SCTR: variants seen among roughly 807,000 people sequenced by gnomAD.
SCTR encodes the protein secretin receptor.
Under a neutral mutation model 60.8 loss-of-function variants are expected in SCTR, and 56 were observed. The observed-to-expected ratio is 0.92, with a 90% CI of 0.74 to 1.15. The LOEUF (loss-of-function observed/expected upper bound fraction) is 1.15. Ranked by LOEUF, SCTR falls within the 50% of genes most tolerant of loss-of-function variation. The pLI is 0.00. For synonymous variants in SCTR, 202 were observed against 217.0 expected (o/e 0.93, Z 0.61); for missense variants, 562 against 550.4 (o/e 1.02, Z -0.21).
intron 1 of SCTR, among the ~76,000 whole-genome samples, chr2:119,513,182 G>A (rs1362167737): frequency 6.6e-6 from 1 of 152,202 alleles, no homozygotes. Context: ...CCTGCTACAG[G>A]CATTGAGGTT....
chr2:119,522,934 G>C (rs916280440), intron 1 of SCTR, among the ~76,000 whole-genome samples: 1 of 152,182 alleles, frequency 6.6e-6, no homozygotes, highest in African/African-American at 2.4e-5. Flanking sequence ...GGTGGCAAGG[G>C]AGCTCCAAGC....
At chr2:119,506,405 G>A (rs192925750) in intron 1 of SCTR, among the ~76,000 whole-genome samples, 82 of 152,196 alleles carry the variant, frequency 5.4e-4, no homozygotes, top group African/African-American at 1.9e-3. Context: ...AAGCTAATGC[G>A]AAGAAATTAC....
chr2:119,494,523 T>C lies in SCTR; in HGVS notation c.98A>G (p.Asp33Gly). The part of the protein sequence containing the change: ...HSTGALPRLC[D>G]VLQVLWEEQD... Reference sequence around the variant, plus strand: ...CTCTTCCCACAGCACTTGTAGCACGTCACATAGTCGGGGAAGGGCTCCAGT... The same window carrying C: ...CTCTTCCCACAGCACTTGTAGCACGCCACATAGTCGGGGAAGGGCTCCAGT... The change falls in exon 2 of 13, where the codon GAC becomes GGC. Residue 33 changes from aspartate (D) to glycine (G), a missense_variant. Coordinates refer to ENST00000019103, the MANE Select transcript of SCTR (RefSeq NM_002980.3). 3.7e-6 allele frequency: 6 copies of C among 1,614,032 alleles called. No homozygotes were observed. Among genetic ancestry groups the C allele is most frequent in the Non-Finnish European group, 5.1e-6 (6 of 1,179,952 alleles).
At chr2:119,452,692 C>T (rs889412155) in intron 8 of SCTR, among the ~76,000 whole-genome samples, 1 of 152,182 alleles carries the variant, frequency 6.6e-6, no homozygotes, top group South Asian at 2.1e-4. Context: ...TTGGATGTCT[C>T]ATTTGACCTC....
At chr2:119,447,642 G>T (rs532271456) in intron 10 of SCTR, among the ~76,000 whole-genome samples, 107 of 152,324 alleles carry the variant, frequency 7.0e-4, no homozygotes, top group Non-Finnish European at 1.3e-3. Context: ...CGCAATCGCG[G>T]CTCACTGCAA....
At chr2:119,519,335 C>G (rs1310646326) in intron 1 of SCTR, among the ~76,000 whole-genome samples, 5 of 152,092 alleles carry the variant, frequency 3.3e-5, no homozygotes, top group Admixed American at 1.3e-4. Flanking sequence ...TTTTGTGACC[C>G]CATGCTCATT....
chr2:119,504,669 T>G (rs955438690), intron 1 of SCTR, among the ~76,000 whole-genome samples: 2 of 151,326 alleles, frequency 1.3e-5, no homozygotes, highest in African/African-American at 4.9e-5. Flanking sequence ...CTGCATAGAG[T>G]TCTTATGCTT....
chr2:119,485,213 A>C (rs1312557909), intron 2 of SCTR, among the ~76,000 whole-genome samples: 1 of 152,274 alleles, frequency 6.6e-6, no homozygotes, highest in Non-Finnish European at 1.5e-5. Flanking sequence ...GAATGCAATC[A>C]GAATTAAAGT....
At chr2:119,451,238 G>A (rs1030906073) in intron 9 of SCTR, among the ~76,000 whole-genome samples, 3 of 152,012 alleles carry the variant, frequency 2.0e-5, no homozygotes, top group Middle Eastern at 3.2e-3. Context: ...CCAGCCAAGG[G>A]ACTGCTTCCA....
intron 1 of SCTR, among the ~76,000 whole-genome samples, chr2:119,522,953 A>G (rs1475407497): frequency 6.6e-6 from 1 of 152,180 alleles, no homozygotes; most frequent in Non-Finnish European, 1.5e-5. Context: ...GCAAGCTCCA[A>G]ATTGCACTCA....
chr2:119,451,319 T>C (rs973528744), intron 9 of SCTR, among the ~76,000 whole-genome samples: 17 of 152,150 alleles, frequency 1.1e-4, no homozygotes, highest in African/African-American at 3.6e-4. Flanking sequence ...ACCATACCCA[T>C]GGGCTGGGCT....
chr2:119,462,949 C>T (rs1049342282), intron 6 of SCTR, among the ~76,000 whole-genome samples: 3 of 152,106 alleles, frequency 2.0e-5, no homozygotes, highest in Admixed American at 6.5e-5. Context: ...AGTAATGAAG[C>T]GTGGCTAGGA....
chr2:119,475,885 G>T (rs1025721524), intron 3 of SCTR, among the ~76,000 whole-genome samples: 1 of 151,976 alleles, frequency 6.6e-6, no homozygotes, highest in African/African-American at 2.4e-5. Flanking sequence ...AGAGGGCCAA[G>T]GGGATGCCGC....
Position 119,524,456 on chromosome 2 carries a change from G to C in SCTR, c.-230C>G, listed in dbSNP as rs562554139. ...CCATTGATCAGGACGCGGCTTTGCC[G>C]GCGCGCCTCCTCCACCCGGCAGGGA... On this transcript the variant is annotated 5_prime_UTR_variant, in exon 1 of 13. Coordinates refer to ENST00000019103, the MANE Select transcript of SCTR (RefSeq NM_002980.3). 8.4e-6 allele frequency: 3 copies of C among 356,588 alleles called. No individual in the cohort carries two copies. The highest frequency in any genetic ancestry group is 4.2e-5 in the East Asian group (1 of 23,574). The allele number at this position is 356,588 out of a possible 1,614,324, so 22.1% of individuals were successfully genotyped here. A position where few individuals can be genotyped will look rare whatever the true frequency, so the allele number is the denominator to read the frequency against.
chr2:119,508,288 T>A (rs1678816669), intron 1 of SCTR, among the ~76,000 whole-genome samples: 1 of 152,082 alleles, frequency 6.6e-6, no homozygotes, highest in African/African-American at 2.4e-5. Context: ...GGACTAAACT[T>A]ATCCTGGAGT....
At chr2:119,446,631 C>G in intron 11 of SCTR, 128 bp downstream of exon 11, 1 of 910,384 alleles carries the variant, frequency 1.1e-6, no homozygotes, top group Non-Finnish European at 1.5e-6. Context: ...CTGTCAGGTC[C>G]GACCCCTTCT....
In SCTR at chr2:119,479,199, G is replaced by T; in HGVS notation, c.194-281C>A. ...AGAAGGAAGGCGCCCTCTCCTATAA[G>T]CTTTGCAAGTAAAGGTCTGGATTTC... On this transcript the variant is annotated intron_variant, in intron 2 of 12. Coordinates refer to ENST00000019103, the MANE Select transcript of SCTR (RefSeq NM_002980.3). The T allele has an allele frequency of 3.3e-6, 4 of 1,194,640 alleles. No homozygotes were observed. In the South Asian group the frequency reaches 1.2e-4, roughly 37 times the overall value. 74.0% of individuals were successfully genotyped at this position (1,194,640 alleles called of 1,614,324 possible). A position where few individuals can be genotyped will look rare whatever the true frequency, so the allele number is the denominator to read the frequency against.
chr2:119,442,752 GCACT>G (rs1033959116), intron 11 of SCTR, among the ~76,000 whole-genome samples: 5 of 152,106 alleles, frequency 3.3e-5, no homozygotes, highest in Non-Finnish European at 7.3e-5. Flanking sequence ...TATCCAGGTT[GCACT>G]CCCCAGATCC....
At chr2:119,457,553 A>C (rs1166386300) in intron 7 of SCTR, among the ~76,000 whole-genome samples, 1 of 151,948 alleles carries the variant, frequency 6.6e-6, no homozygotes, top group Non-Finnish European at 1.5e-5. Flanking sequence ...CTCTACAATA[A>C]ATGTAAAAAA....
Sources: gnomAD v4.1 joint callset for allele counts (sites outside exome capture counted in the v4.1 genomes callset) on GRCh38, gnomAD v4.1.1 for gene constraint, MANE v1.5 for transcripts, NCBI Gene and HGNC (gene_info 2026-07-23, HGNC 2026-07-21) for gene names.